The following CASD1 variants were observed in gnomAD, a reference collection of about 807,000 sequenced individuals.
CASD1 encodes the protein CAS1 domain sialic acid O acetyltransferase 1.
In CASD1, 41 loss-of-function variants were observed where a neutral mutation model predicts 100.0. The ratio of observed to expected loss-of-function variants is 0.41; its 90% CI spans 0.32 to 0.53. The LOEUF is 0.53. Among genes scored for constraint, CASD1 ranks in the 20% least tolerant of loss-of-function variants. The pLI is 0.25. For missense variants in CASD1, 774 were observed against 948.7 expected, an observed-to-expected ratio of 0.82 and a Z score of 2.42; for synonymous variants, 321 against 315.6, an observed-to-expected ratio of 1.02 and a Z score of -0.18.
At chr7:94,552,514 C>A in intron 16 of CASD1, 87 bp downstream of exon 16, 1 of 926,416 alleles carries the variant, frequency 1.1e-6, no homozygotes, top group South Asian at 1.5e-5. Flanking sequence ...AGATTGAACT[C>A]CAGAAAATGT....
intron 4 of CASD1, among the ~76,000 whole-genome samples, chr7:94,527,832 G>A (rs1402011631): frequency 6.6e-6 from 1 of 152,126 alleles, no homozygotes; most frequent in Admixed American, 6.5e-5. Context: ...AGGAGTAAAG[G>A]CAGAAGGGAC....
intron 1 of CASD1, among the ~76,000 whole-genome samples, chr7:94,511,226 GATTA>G (rs753094834): frequency 2.0e-5 from 3 of 152,146 alleles, no homozygotes; most frequent in Non-Finnish European, 4.4e-5. Flanking sequence ...GTGACTGTGA[GATTA>G]ATCAGTCAAG....
At chr7:94,557,630 G>A (rs906166905), downstream of CASD1, among the ~76,000 whole-genome samples, 1 of 151,994 alleles carries the variant, frequency 6.6e-6, no homozygotes, top group Non-Finnish European at 1.5e-5. Flanking sequence ...TCTTCAGTAG[G>A]GATGCCGCAG....
At chr7:94,597,615 A>G in the CASD1 span, 1 of 152,240 alleles carries the variant, frequency 6.6e-6, no homozygotes, top group Non-Finnish European at 1.5e-5. Context: ...TAGCCATTCC[A>G]TCTATAAAAG....
At chr7:94,547,764 G>A (rs572120759) in intron 13 of CASD1, among the ~76,000 whole-genome samples, 1 of 151,630 alleles carries the variant, frequency 6.6e-6, no homozygotes, top group Non-Finnish European at 1.5e-5. Flanking sequence ...TCAGGCATAC[G>A]TATTATTTGG....
rs555459308 is a variant in CASD1 at position 94,527,081 on chromosome 7, TAAATC to T, written c.352-77_352-73del. 4.6e-3 allele frequency: 4,790 copies of T among 1,035,360 alleles called. 15 individuals are homozygous for T. The highest frequency in any genetic ancestry group is 6.1e-3 in the Non-Finnish European group (4,146 of 680,846). The allele number at this position is 1,035,360 out of a possible 1,614,324, so 64.1% of individuals were successfully genotyped here. A position where few individuals can be genotyped will look rare whatever the true frequency, so the allele number is the denominator to read the frequency against. ...ATATCAACAAAAATATGCATAAAAA[TAAATC>T]AAAGCAGCTAAATGGGGCATTTTTT... On this transcript the variant is annotated intron_variant, in intron 3 of 17. Coordinates refer to ENST00000297273, the MANE Select transcript of CASD1 (RefSeq NM_022900.5).
At chr7:94,571,108 A>G in the CASD1 span, among the ~76,000 whole-genome samples, 1 of 151,680 alleles carries the variant, frequency 6.6e-6, no homozygotes, top group African/African-American at 2.4e-5. Context: ...CAATAGTGCA[A>G]TCACAGCTCA....
the CASD1 span, among the ~76,000 whole-genome samples, chr7:94,604,282 A>G: frequency 6.6e-6 from 1 of 152,086 alleles, no homozygotes; most frequent in African/African-American, 2.4e-5. Context: ...CCTTTTCATA[A>G]TGACAATGCT....
chr7:94,537,150 A>G (rs1028932037), intron 8 of CASD1, among the ~76,000 whole-genome samples: 8 of 146,816 alleles, frequency 5.4e-5, no homozygotes, highest in Non-Finnish European at 9.1e-5. Context: ...TGTTGGGAAG[A>G]AAAAAAAAAA....
At chr7:94,541,550 T>TTC (rs1429852497) in intron 10 of CASD1, among the ~76,000 whole-genome samples, 2 of 138,958 alleles carry the variant, frequency 1.4e-5, no homozygotes, top group Non-Finnish European at 3.1e-5. Context: ...TTTTTTTTTT[T>TTC]TTTTTTTTTT....
chr7:94,517,408 G>A (rs2116197410), intron 1 of CASD1, 152 bp from the exon 2 acceptor site: 1 of 493,756 alleles, frequency 2.0e-6, no homozygotes, highest in Non-Finnish European at 3.6e-6. Flanking sequence ...TATTTACCAT[G>A]TTTCTCATGA....
intron 1 of CASD1, among the ~76,000 whole-genome samples, chr7:94,511,758 C>T (rs1261142151): frequency 2.0e-5 from 3 of 151,992 alleles, no homozygotes; most frequent in African/African-American, 7.2e-5. Context: ...ATCTAGTCCC[C>T]TTCCTTTTAT....
At chr7:94,570,563 C>T in the CASD1 span, among the ~76,000 whole-genome samples, 1 of 152,046 alleles carries the variant, frequency 6.6e-6, no homozygotes, top group Non-Finnish European at 1.5e-5. Flanking sequence ...GGCATGATCT[C>T]GGCTCACTGC....
At chr7:94,530,949 A>G (rs1033011020) in intron 5 of CASD1, among the ~76,000 whole-genome samples, 16 of 152,152 alleles carry the variant, frequency 1.1e-4, no homozygotes, top group African/African-American at 3.9e-4. Context: ...AAACTTGCTA[A>G]GGTGGAATGA....
At chr7:94,620,103 C>A in the CASD1 span, 2 of 152,068 alleles carry the variant, frequency 1.3e-5, no homozygotes, top group African/African-American at 2.4e-5. Context: ...CAATAAAATT[C>A]ATGTATCTGT....
chr7:94,609,337 G>A, the CASD1 span, among the ~76,000 whole-genome samples: 1 of 152,204 alleles, frequency 6.6e-6, no homozygotes. Context: ...GACCAGCCTC[G>A]CCAAAATGGC....
chr7:94,518,181 A>C, intron 2 of CASD1, 22 bp from the exon 3 acceptor site: 1 of 1,478,322 alleles, frequency 6.8e-7, no homozygotes, highest in Non-Finnish European at 8.9e-7. Flanking sequence ...TATTTTAATT[A>C]ATTTTTCTTT....
the CASD1 span, among the ~76,000 whole-genome samples, chr7:94,601,484 A>C: frequency 6.8e-6 from 1 of 147,068 alleles, no homozygotes; most frequent in Non-Finnish European, 1.5e-5. Flanking sequence ...AAACTACAAC[A>C]GTTGCACTAT....
chr7:94,554,441 A>G (rs1584439636), intron 16 of CASD1, 42 bp from the exon 17 acceptor site: 1 of 1,296,798 alleles, frequency 7.7e-7, no homozygotes, highest in Non-Finnish European at 1.1e-6. Flanking sequence ...ATACTTTTCA[A>G]TAAAGAGATT....
Sources: allele counts gnomAD v4.1 joint callset (sites outside exome capture counted in the v4.1 genomes callset), GRCh38; gene constraint gnomAD v4.1.1; transcripts MANE v1.5; gene names NCBI Gene and HGNC (gene_info 2026-07-23, HGNC 2026-07-21).